The following NUMB variants were observed in gnomAD, a reference collection of about 807,000 sequenced individuals.
The protein encoded by NUMB is protein numb homolog.
A neutral mutation model predicts 59.7 loss-of-function variants in NUMB; 29 were observed. The observed-to-expected ratio is 0.49, with a 90% CI of 0.36 to 0.66. The LOEUF is 0.66. Ranked by LOEUF, NUMB falls within the 30% of genes least tolerant of loss-of-function variation. The pLI is 0.00. For synonymous variants in NUMB, 288 were observed against 288.2 expected (o/e 1.00, Z 0.01); for missense variants, 723 against 822.0 (o/e 0.88, Z 1.47).
intron 1 of NUMB, among the ~76,000 whole-genome samples, chr14:73,442,217 A>G (rs978980596): frequency 1.3e-5 from 2 of 151,380 alleles, no homozygotes; most frequent in Non-Finnish European, 2.9e-5. Flanking sequence ...AAGAAAGAAA[A>G]AAAAAAAACG....
chr14:73,417,559 A>T (rs1023983203), intron 1 of NUMB, among the ~76,000 whole-genome samples: 66 of 152,114 alleles, frequency 4.3e-4, no homozygotes, highest in Non-Finnish European at 8.1e-4. Flanking sequence ...CTCAAAAAAA[A>T]AAAAAGGTAT....
chr14:73,388,220 G>A (rs1184755414), intron 2 of NUMB, among the ~76,000 whole-genome samples: 1 of 152,176 alleles, frequency 6.6e-6, no homozygotes, highest in Non-Finnish European at 1.5e-5. Flanking sequence ...GTTTCAGAAA[G>A]TTCTGGGCCA....
intron 11 of NUMB, among the ~76,000 whole-genome samples, chr14:73,281,943 A>C (rs1888660159): frequency 6.6e-6 from 1 of 152,314 alleles, no homozygotes; most frequent in South Asian, 2.1e-4. Flanking sequence ...TAAAGCCCCA[A>C]AATGTCTCCA....
chr14:73,443,018 A>G (rs1054530825), intron 1 of NUMB, among the ~76,000 whole-genome samples: 3 of 152,064 alleles, frequency 2.0e-5, no homozygotes, highest in Non-Finnish European at 4.4e-5. Context: ...ACATGCCTCC[A>G]TGACTGGCTA....
intron 6 of NUMB, among the ~76,000 whole-genome samples, chr14:73,304,530 A>C (rs1344899196): frequency 1.3e-5 from 2 of 152,124 alleles, no homozygotes; most frequent in African/African-American, 4.8e-5. Flanking sequence ...GCTGGTCTCA[A>C]GTTCTGGCTT....
At chr14:73,327,731 G>A (rs1891738307) in intron 4 of NUMB, among the ~76,000 whole-genome samples, 1 of 152,022 alleles carries the variant, frequency 6.6e-6, no homozygotes, top group Admixed American at 6.6e-5. Flanking sequence ...TGGTCCTGTA[G>A]GACATAGATT....
chr14:73,307,728 CTTTT>C (rs34429117), intron 6 of NUMB, among the ~76,000 whole-genome samples: 3 of 95,486 alleles, frequency 3.1e-5, no homozygotes, highest in Non-Finnish European at 5.7e-5. Context: ...GGGCCTCTGT[CTTTT>C]TTTTTTTTTT....
At chr14:73,288,814 G>A (rs1030938419) in intron 8 of NUMB, among the ~76,000 whole-genome samples, 3 of 151,708 alleles carry the variant, frequency 2.0e-5, no homozygotes, top group Non-Finnish European at 2.9e-5. Context: ...AGCCACGATC[G>A]TGCCATTGCA....
chr14:73,396,055 C>G (rs1321873397), intron 2 of NUMB, among the ~76,000 whole-genome samples: 1 of 151,978 alleles, frequency 6.6e-6, no homozygotes, highest in Non-Finnish European at 1.5e-5. Flanking sequence ...TTTTTAGAGA[C>G]AGGCACATGC....
At chr14:73,428,398 A>C (rs1272457256) in intron 1 of NUMB, among the ~76,000 whole-genome samples, 2 of 152,200 alleles carry the variant, frequency 1.3e-5, no homozygotes, top group Non-Finnish European at 2.9e-5. Context: ...ATGTTTGCTA[A>C]GTGTAAACAT....
chr14:73,455,897 A>G (rs2140218321), intron 1 of NUMB, among the ~76,000 whole-genome samples: 1 of 152,304 alleles, frequency 6.6e-6, no homozygotes, highest in East Asian at 1.9e-4. Flanking sequence ...AAGGGTGAAC[A>G]AGAGGGCACA....
At chr14:73,431,908 A>G (rs899902662) in intron 1 of NUMB, among the ~76,000 whole-genome samples, 1 of 152,088 alleles carries the variant, frequency 6.6e-6, no homozygotes, top group Non-Finnish European at 1.5e-5. Flanking sequence ...AGGGGCAGAG[A>G]GTGGTAGACT....
At chr14:73,435,271 C>CTTTT (rs11295491) in intron 1 of NUMB, among the ~76,000 whole-genome samples, 15 of 112,832 alleles carry the variant, frequency 1.3e-4, no homozygotes, top group Non-Finnish European at 1.9e-4. Flanking sequence ...TTGGCAATTA[C>CTTTT]TTTTTTTTTT....
chr14:73,370,875 T>A (rs1316735005), intron 2 of NUMB, among the ~76,000 whole-genome samples: 3 of 152,232 alleles, frequency 2.0e-5, no homozygotes, highest in Non-Finnish European at 2.9e-5. Flanking sequence ...GTTAGGTAAA[T>A]TTTTAACTTT....
chr14:73,377,644 A>T (rs957346576), intron 2 of NUMB, among the ~76,000 whole-genome samples: 1 of 152,108 alleles, frequency 6.6e-6, no homozygotes. Flanking sequence ...TCAAACAAAC[A>T]AACAAACAAC....
chr14:73,430,956 A>AT (rs1056122860), intron 1 of NUMB, among the ~76,000 whole-genome samples: 1 of 151,514 alleles, frequency 6.6e-6, no homozygotes, highest in African/African-American at 2.4e-5. Flanking sequence ...AAAAAAAAAA[A>AT]GTTTTTGAAT....
chr14:73,438,872 T>C (rs2140182870), intron 1 of NUMB, among the ~76,000 whole-genome samples: 1 of 152,236 alleles, frequency 6.6e-6, no homozygotes, highest in South Asian at 2.1e-4. Context: ...ACACAAGTGA[T>C]ATCCCTCACT....
chr14:73,277,242 G>GCCTGGAA lies in NUMB; in HGVS notation c.1285_1291dup (p.Ala431ValfsTer6). On this transcript the variant is annotated frameshift_variant, in exon 13 of 13. Transcript: ENST00000555238. LOFTEE classifies it high-confidence loss of function. The stretch of plus-strand genomic sequence containing the variant: ...CTCAGAGGGAGTACGTCTATGACCG[G>GCCTGGAA]CCTGGAAGAGACCTGGAGAGGCAGC... The GCCTGGAA allele has an allele frequency of 6.2e-7, 1 of 1,611,612 alleles. No individual in the cohort carries two copies.
At chr14:73,279,954 C>A (rs975779589) in intron 11 of NUMB, among the ~76,000 whole-genome samples, 2 of 152,154 alleles carry the variant, frequency 1.3e-5, no homozygotes, top group African/African-American at 4.8e-5. Context: ...GTCAGGAGTT[C>A]GAGACCAGCC....
Sources: gnomAD v4.1 joint callset for allele counts (sites outside exome capture counted in the v4.1 genomes callset) on GRCh38, gnomAD v4.1.1 for gene constraint, MANE v1.5 for transcripts, NCBI Gene and HGNC (gene_info 2026-07-23, HGNC 2026-07-21) for gene names.